The following STK4 variants were observed in gnomAD, a reference collection of about 807,000 sequenced individuals.
STK4 encodes serine/threonine-protein kinase 4.
STK4 carries 30 observed loss-of-function variants against 64.9 expected under a neutral mutation model. The observed-to-expected ratio is 0.46, with a 90% CI of 0.35 to 0.63. STK4 has a LOEUF of 0.63. Among genes scored for constraint, STK4 ranks in the 20% least tolerant of loss-of-function variants. The probability of loss-of-function intolerance (pLI) is 0.01; values close to 1 mark genes in which losing one functional copy is unlikely to be tolerated. For missense variants in STK4, 466 were observed against 598.5 expected (o/e 0.78, Z 2.31); for synonymous variants, 177 against 199.0 (o/e 0.89, Z 0.93).
Position 45,024,948 on chromosome 20 carries a change from A to G in STK4, c.1148-25A>G, listed in dbSNP as rs766490116. On this transcript the variant is annotated intron_variant, in intron 9 of 10. Coordinates refer to ENST00000372806, the MANE Select transcript of STK4 (RefSeq NM_006282.5). ...CCTAAAATTTAGAATGTTTCTTTTC[A>G]TTTTTCATTTTTCTTTGTTTTCAGG... 5.9e-6 allele frequency: 9 copies of G among 1,530,932 alleles called. No individual in the cohort carries two copies. In the South Asian group the frequency reaches 1.0e-4, roughly 17 times the overall value. 94.8% of individuals were successfully genotyped at this position (1,530,932 alleles called of 1,614,324 possible).
intron 4 of STK4, among the ~76,000 whole-genome samples, chr20:44,984,183 G>GTTT (rs2067488674): frequency 3.2e-5 from 2 of 62,564 alleles, no homozygotes; most frequent in Non-Finnish European, 6.0e-5. Flanking sequence ...TGTTGTTGTC[G>GTTT]TTGTTTTTTT....
chr20:45,029,720 C>T (rs886200435), intron 10 of STK4, among the ~76,000 whole-genome samples: 3 of 152,206 alleles, frequency 2.0e-5, no homozygotes, highest in Non-Finnish European at 4.4e-5. Context: ...TATCTGGGGA[C>T]AGCACCCATT....
chr20:44,969,410 T>C (rs2067206745), intron 1 of STK4, among the ~76,000 whole-genome samples: 1 of 152,252 alleles, frequency 6.6e-6, no homozygotes, highest in Non-Finnish European at 1.5e-5. Flanking sequence ...TACTTGTGTT[T>C]GGAAAGATAC....
At chr20:44,968,659 C>T (rs1463555596) in intron 1 of STK4, among the ~76,000 whole-genome samples, 1 of 152,186 alleles carries the variant, frequency 6.6e-6, no homozygotes, top group African/African-American at 2.4e-5. Flanking sequence ...TTTGTTTCCC[C>T]CTTTGCCTTG....
At chr20:45,072,544 A>G (rs116874022) in intron 10 of STK4, among the ~76,000 whole-genome samples, 31 of 152,302 alleles carry the variant, frequency 2.0e-4, no homozygotes, top group Non-Finnish European at 3.8e-4. Context: ...TCACAAGGGC[A>G]CTGCTTTTTG....
At chr20:44,966,664 G>T in intron 1 of STK4, 61 bp downstream of exon 1, 1 of 1,259,892 alleles carries the variant, frequency 7.9e-7, no homozygotes, top group Non-Finnish European at 1.0e-6. Context: ...GCGGGAACTG[G>T]TTGAGGGGAT....
At chr20:44,981,312 G>A (rs2067435246) in intron 3 of STK4, among the ~76,000 whole-genome samples, 1 of 151,812 alleles carries the variant, frequency 6.6e-6, no homozygotes, top group South Asian at 2.1e-4. Context: ...ACACTGCCAC[G>A]GCTGGCTAAT....
chr20:44,997,558 C>T (rs531185072), intron 7 of STK4, among the ~76,000 whole-genome samples: 4 of 152,216 alleles, frequency 2.6e-5, no homozygotes, highest in East Asian at 1.9e-4. Flanking sequence ...GGTGTGGTGG[C>T]GCATGCCTGT....
chr20:45,020,466 G>GTGTGTATGTT (rs1491389409), intron 9 of STK4, among the ~76,000 whole-genome samples: 1 of 89,028 alleles, frequency 1.1e-5, no homozygotes. Context: ...GTGTGTGTGT[G>GTGTGTATGTT]TATGTTTATG....
intron 4 of STK4, among the ~76,000 whole-genome samples, chr20:44,983,561 G>T (rs956236385): frequency 2.0e-5 from 3 of 152,186 alleles, no homozygotes; most frequent in African/African-American, 7.2e-5. Context: ...GGTTAAGGCT[G>T]CTGTAAGCTG....
intron 10 of STK4, among the ~76,000 whole-genome samples, chr20:45,046,150 C>T (rs926140443): frequency 1.3e-4 from 19 of 151,854 alleles, no homozygotes; most frequent in African/African-American, 4.6e-4. Context: ...ATTTTAAGAA[C>T]ATTTTTGGTT....
intron 9 of STK4, among the ~76,000 whole-genome samples, chr20:45,002,804 T>C (rs1461828320): frequency 2.0e-5 from 3 of 151,950 alleles, no homozygotes; most frequent in African/African-American, 4.8e-5. Flanking sequence ...TGAAAAGCAG[T>C]GAGAGGAGTA....
intron 10 of STK4, among the ~76,000 whole-genome samples, chr20:45,047,662 T>C (rs1223815210): frequency 6.6e-6 from 1 of 152,222 alleles, no homozygotes; most frequent in African/African-American, 2.4e-5. Context: ...TTGGTAAAAC[T>C]GTAGTAAAAA....
chr20:45,010,476 A>G (rs1261038596), intron 9 of STK4, among the ~76,000 whole-genome samples: 1 of 152,218 alleles, frequency 6.6e-6, no homozygotes, highest in Non-Finnish European at 1.5e-5. Flanking sequence ...ACACACTGTG[A>G]TTTATCCTTT....
chr20:44,968,193 A>G (rs1008634230), intron 1 of STK4, among the ~76,000 whole-genome samples: 1 of 151,396 alleles, frequency 6.6e-6, no homozygotes, highest in Non-Finnish European at 1.5e-5. Context: ...TCTGAAGTGC[A>G]GTGGCGCAAT....
intron 10 of STK4, among the ~76,000 whole-genome samples, chr20:45,031,104 GAGTTTAC>G (rs2068435188): frequency 6.6e-6 from 1 of 152,050 alleles, no homozygotes; most frequent in South Asian, 2.1e-4. Context: ...TGTTCTCATG[GAGTTTAC>G]AGTGAAGGAA....
At chr20:44,979,817 T>C (rs2067406131) in intron 3 of STK4, among the ~76,000 whole-genome samples, 1 of 151,930 alleles carries the variant, frequency 6.6e-6, no homozygotes, top group Admixed American at 6.6e-5. Flanking sequence ...CTAGATAAAA[T>C]CCCCATTTTT....
chr20:45,021,030 G>T (rs1434285548), intron 9 of STK4, among the ~76,000 whole-genome samples: 1 of 151,956 alleles, frequency 6.6e-6, no homozygotes, highest in African/African-American at 2.4e-5. Flanking sequence ...ATGTTGCCCA[G>T]GCTGGTCTCG....
chr20:44,997,408 C>A, intron 7 of STK4, 102 bp downstream of exon 7: 2 of 1,438,924 alleles, frequency 1.4e-6, no homozygotes, highest in Non-Finnish European at 1.9e-6. Flanking sequence ...AAGTATAAGG[C>A]AGGCTGGGTG....
Sources: gnomAD v4.1 joint callset for allele counts (sites outside exome capture counted in the v4.1 genomes callset) on GRCh38, gnomAD v4.1.1 for gene constraint, MANE v1.5 for transcripts, NCBI Gene and HGNC (gene_info 2026-07-23, HGNC 2026-07-21) for gene names.